ASXL3: variants seen among roughly 807,000 people sequenced by gnomAD.
ASXL3 encodes the protein ASXL transcriptional regulator 3, also known as putative Polycomb group protein ASXL3.
In ASXL3, 34 loss-of-function variants were observed where a neutral mutation model predicts 170.6. The observed-to-expected ratio is 0.20, with a 90% CI of 0.15 to 0.27. The LOEUF (loss-of-function observed/expected upper bound fraction) is 0.27, where lower values mean the gene tolerates loss of function less well. Among genes scored for constraint, ASXL3 ranks in the 10% least tolerant of loss-of-function variants. The pLI is 1.00. For missense variants in ASXL3, 2,592 were observed against 2,695.3 expected, an observed-to-expected ratio of 0.96 and a Z score of 0.85; for synonymous variants, 1,002 against 989.1, an observed-to-expected ratio of 1.01 and a Z score of -0.24.
chr18:33,700,855 A>G (rs1355891092), intron 8 of ASXL3, among the ~76,000 whole-genome samples: 1 of 152,102 alleles, frequency 6.6e-6, no homozygotes, highest in East Asian at 1.9e-4. Flanking sequence ...GAATGAAGAA[A>G]GAACAATGAA....
At chr18:33,712,298 G>T (rs2067079855) in intron 8 of ASXL3, among the ~76,000 whole-genome samples, 1 of 152,018 alleles carries the variant, frequency 6.6e-6, no homozygotes, top group African/African-American at 2.4e-5. Context: ...AATGCTTTCT[G>T]TCATTTAAAA....
intron 1 of ASXL3, among the ~76,000 whole-genome samples, chr18:33,590,114 T>TTTTTTTTTTTTTTTTTG (rs2065065500): frequency 6.9e-6 from 1 of 145,884 alleles, no homozygotes; most frequent in African/African-American, 2.7e-5. Context: ...TTTCTATGTT[T>TTTTTTTTTTTTTTTTTG]TTTTTTTTTT....
intron 9 of ASXL3, 148 bp from the exon 10 acceptor site, chr18:33,734,160 TAA>T: frequency 4.2e-6 from 2 of 472,472 alleles, no homozygotes; most frequent in Non-Finnish European, 3.6e-6. Context: ...GTGATGTTCA[TAA>T]AAAGAGAAGA....
chr18:33,634,437 A>G (rs2065735290), intron 2 of ASXL3, among the ~76,000 whole-genome samples: 1 of 151,994 alleles, frequency 6.6e-6, no homozygotes, highest in South Asian at 2.1e-4. Context: ...GTCATAGTTC[A>G]GAATTTATAC....
rs1009308531 is a variant in ASXL3 at position 33,644,797 on chromosome 18, A to AT, written c.138-89dup. On this transcript the variant is annotated intron_variant, in intron 2 of 11. Transcript: ENST00000269197. The stretch of plus-strand genomic sequence containing the variant: ...GAGGTCTTTTTTTAATTATTTTTTT[A>AT]TTTTTTTTAAGAGAGAGCGAGCGAG... 8.1e-4 allele frequency: 549 copies of AT among 674,574 alleles called. 1 individual carries two copies. Among genetic ancestry groups the AT allele is most frequent in the African/African-American group, 4.7e-3 (255 of 54,558 alleles). 41.8% of individuals were successfully genotyped at this position (674,574 alleles called of 1,614,324 possible).
intron 8 of ASXL3, among the ~76,000 whole-genome samples, chr18:33,715,803 TAA>T (rs1487804975): frequency 6.6e-6 from 1 of 152,050 alleles, no homozygotes; most frequent in Non-Finnish European, 1.5e-5. Context: ...GAGACATAGG[TAA>T]AGAGACGAGT....
intron 2 of ASXL3, among the ~76,000 whole-genome samples, chr18:33,640,805 C>T (rs2065834901): frequency 6.6e-6 from 1 of 151,882 alleles, no homozygotes; most frequent in African/African-American, 2.4e-5. Flanking sequence ...ATTAATAGCA[C>T]TAAGCACAGT....
chr18:33,720,693 T>G (rs977648403), intron 8 of ASXL3, among the ~76,000 whole-genome samples: 1 of 152,070 alleles, frequency 6.6e-6, no homozygotes, highest in Non-Finnish European at 1.5e-5. Flanking sequence ...CACCAAACCC[T>G]TCTCTAATTG....
At chr18:33,703,161 T>G (rs1425560761) in intron 8 of ASXL3, among the ~76,000 whole-genome samples, 2 of 152,188 alleles carry the variant, frequency 1.3e-5, no homozygotes, top group African/African-American at 4.8e-5. Context: ...CAGTCTCCTC[T>G]TAATTGCTCA....
chr18:33,592,714 C>G (rs2065088211), intron 1 of ASXL3, among the ~76,000 whole-genome samples: 1 of 152,104 alleles, frequency 6.6e-6, no homozygotes, highest in South Asian at 2.1e-4. Flanking sequence ...GTTTTTATTC[C>G]AGGCCCACCT....
At position 33,748,091 on chromosome 18, in the gene ASXL3, T is replaced by G. The variant is rs1271934531; in HGVS notation, c.*1496T>G. On this transcript the variant is annotated 3_prime_UTR_variant, in exon 12 of 12. Coordinates refer to ENST00000269197, the MANE Select transcript of ASXL3 (RefSeq NM_030632.3). ...GAGTGCCATTAACCCATTGATTGAT[T>G]GTGGCTGTAGAATTTAAAAAGCAAA... 1 of 147,140 alleles carries G rather than the reference T, an allele frequency of 6.8e-6. No individual in the cohort carries two copies. Among genetic ancestry groups the G allele is most frequent in the Non-Finnish European group, 1.5e-5 (1 of 67,364 alleles). 9.1% of individuals were successfully genotyped at this position (147,140 alleles called of 1,614,324 possible). A position where few individuals can be genotyped will look rare whatever the true frequency, so the allele number is the denominator to read the frequency against.
At chr18:33,695,234 G>A (rs1312971727) in intron 8 of ASXL3, among the ~76,000 whole-genome samples, 2 of 152,078 alleles carry the variant, frequency 1.3e-5, no homozygotes, top group East Asian at 3.9e-4. Context: ...TTAGGTAAAA[G>A]TAAGTGTGTG....
chr18:33,646,253 G>A lies in ASXL3; in HGVS notation c.255G>A (p.Glu85=). 1 of 1,610,650 alleles carries A rather than the reference G, an allele frequency of 6.2e-7. No individual in the cohort carries two copies. The highest frequency in any genetic ancestry group is 1.1e-5 in the South Asian group (1 of 90,918). Residue 85 remains glutamate, a synonymous_variant, in exon 4 of 12, where the codon GAG becomes GAA. Coordinates refer to ENST00000269197, the MANE Select transcript of ASXL3 (RefSeq NM_030632.3). ...TTTTCAAAATAATACAGAAAGAGGA[G>A]TCGTCATGCCCAGCAGATGGCACGT... ...KSGLYALKKE[E]SSCPADGTLD...
chr18:33,670,849 TG>T, intron 6 of ASXL3, 59 bp downstream of exon 6: 1 of 1,121,958 alleles, frequency 8.9e-7, no homozygotes, highest in South Asian at 1.8e-5. Context: ...ACTTCCTCAC[TG>T]AAAGAGATGT....
intron 4 of ASXL3, among the ~76,000 whole-genome samples, chr18:33,646,719 G>A (rs2065919927): frequency 6.6e-6 from 1 of 151,776 alleles, no homozygotes. Context: ...GATTTTTCCT[G>A]TAATCACAAG....
chr18:33,578,749 G>T, intron 1 of ASXL3, 64 bp downstream of exon 1: 1 of 1,047,334 alleles, frequency 9.5e-7, no homozygotes, highest in Admixed American at 5.1e-5. Flanking sequence ...CCCCGCGCCG[G>T]TCCGCGGCGG....
Position 33,739,774 on chromosome 18 carries a change from C to T in ASXL3, c.2370C>T (p.Ala790=). The part of the protein sequence containing the change: ...SPQKDESSAT[A]KPLGENLTSQ... ...AGAAAGATGAGTCTTCCGCCACTGC[C>T]AAACCTCTGGGAGAGAACCTTACCT... is the stretch of plus-strand genomic sequence containing the variant. The change falls in exon 11 of 12, where the codon GCC becomes GCT. Residue 790 remains alanine, a synonymous_variant. Coordinates refer to ENST00000269197, the MANE Select transcript of ASXL3 (RefSeq NM_030632.3). The T allele has an allele frequency of 6.2e-7, 1 of 1,613,822 alleles. No individual in the cohort carries two copies. The highest frequency in any genetic ancestry group is 8.5e-7 in the Non-Finnish European group (1 of 1,179,836).
chr18:33,631,773 C>A (rs1458411860), intron 2 of ASXL3, among the ~76,000 whole-genome samples: 1 of 152,072 alleles, frequency 6.6e-6, no homozygotes, highest in Non-Finnish European at 1.5e-5. Context: ...TTGGCCCTGA[C>A]ATTTGCATTT....
intron 2 of ASXL3, chr18:33,609,101 C>A: frequency 1.0e-6 from 1 of 977,498 alleles, no homozygotes; most frequent in African/African-American, 1.7e-5. Flanking sequence ...CCTAACAATT[C>A]TGTTAAAGGA....
Sources: allele counts gnomAD v4.1 joint callset (sites outside exome capture counted in the v4.1 genomes callset), GRCh38; gene constraint gnomAD v4.1.1; transcripts MANE v1.5; gene names NCBI Gene and HGNC (gene_info 2026-07-23, HGNC 2026-07-21).